NOS1AP: variants seen among roughly 807,000 people sequenced by gnomAD.
The protein encoded by NOS1AP is nitric oxide synthase 1 adaptor protein, also known as carboxyl-terminal PDZ ligand of neuronal nitric oxide synthase protein.
Under a neutral mutation model 56.2 loss-of-function variants are expected in NOS1AP, and 21 were observed. That is an observed-to-expected ratio of 0.37 (90% CI 0.26 to 0.54). NOS1AP has a LOEUF of 0.54. Ranked by LOEUF, NOS1AP falls within the 20% of genes least tolerant of loss-of-function variation. NOS1AP has a pLI of 0.84. For synonymous variants in NOS1AP, 270 were observed against 274.6 expected (o/e 0.98, Z 0.17); for missense variants, 522 against 657.8 (o/e 0.79, Z 2.26).
intron 1 of NOS1AP, among the ~76,000 whole-genome samples, chr1:162,084,817 G>A (rs1038712017): frequency 1.3e-5 from 2 of 152,036 alleles, no homozygotes; most frequent in African/African-American, 4.8e-5. Flanking sequence ...TGGTAGCTGA[G>A]ACTACAGGTG....
At chr1:162,226,947 A>C (rs539475960) in intron 2 of NOS1AP, among the ~76,000 whole-genome samples, 503 of 151,612 alleles carry the variant, frequency 3.3e-3, no homozygotes, top group Non-Finnish European at 5.6e-3. Flanking sequence ...CCAGAGGGCC[A>C]GTTTGTCTAA....
intron 6 of NOS1AP, among the ~76,000 whole-genome samples, chr1:162,348,599 G>A (rs766481230): frequency 2.6e-5 from 4 of 152,146 alleles, no homozygotes; most frequent in Admixed American, 6.5e-5. Context: ...GTGAAGAAAC[G>A]CCTGGGTCCA....
intron 1 of NOS1AP, among the ~76,000 whole-genome samples, chr1:162,106,874 A>G (rs945696174): frequency 2.6e-5 from 4 of 152,240 alleles, no homozygotes; most frequent in Middle Eastern, 3.2e-3. Context: ...GTAAATCTGA[A>G]GATTGCTAGA....
At chr1:162,265,647 T>C (rs4584372) in intron 2 of NOS1AP, among the ~76,000 whole-genome samples, 39,128 of 151,912 alleles carry the variant, frequency 0.26, 5,230 homozygotes, top group East Asian at 0.39. Context: ...GCCATGTATA[T>C]CTCATAAATC....
intron 1 of NOS1AP, among the ~76,000 whole-genome samples, chr1:162,134,807 A>G (rs1051097743): frequency 2.6e-5 from 4 of 152,136 alleles, no homozygotes; most frequent in Admixed American, 6.6e-5. Context: ...AACCTGATCA[A>G]AGTTCGTGGC....
intron 1 of NOS1AP, among the ~76,000 whole-genome samples, chr1:162,081,774 A>ATATATATTTTTTTTTTTTTTTTTTTT: frequency 6.4e-4 from 28 of 44,034 alleles, no homozygotes; most frequent in African/African-American, 1.7e-3. Flanking sequence ...ATATATATAT[A>ATATATATTTTTTTTTTTTTTTTTTTT]TTTTTTTTTT....
chr1:162,127,483 T>C (rs1175879586), intron 1 of NOS1AP, among the ~76,000 whole-genome samples: 1 of 152,034 alleles, frequency 6.6e-6, no homozygotes, highest in East Asian at 1.9e-4. Flanking sequence ...TATTAGTTCG[T>C]TCTTGCATTG....
At chr1:162,111,965 TG>T (rs1425137146) in intron 1 of NOS1AP, among the ~76,000 whole-genome samples, 10 of 152,152 alleles carry the variant, frequency 6.6e-5, no homozygotes, top group Admixed American at 5.2e-4. Context: ...TTATGGGAGA[TG>T]AAATATTCAA....
intron 2 of NOS1AP, among the ~76,000 whole-genome samples, chr1:162,237,657 A>G (rs1653344700): frequency 1.3e-5 from 2 of 152,246 alleles, no homozygotes; most frequent in African/African-American, 4.8e-5. Flanking sequence ...AGTTTTAAAG[A>G]ATTAAAATAT....
At chr1:162,153,140 A>T (rs1210362071) in intron 1 of NOS1AP, among the ~76,000 whole-genome samples, 1 of 151,992 alleles carries the variant, frequency 6.6e-6, no homozygotes, top group African/African-American at 2.4e-5. Context: ...TTTAATTTTT[A>T]CTTTTTGAAA....
At chr1:162,228,732 T>C (rs531435082) in intron 2 of NOS1AP, among the ~76,000 whole-genome samples, 115 of 152,278 alleles carry the variant, frequency 7.6e-4, no homozygotes, top group Admixed American at 1.7e-3. Flanking sequence ...AAACAAGTAC[T>C]CTCTGGAGGA....
In NOS1AP at chr1:162,081,774, A is replaced by ATATATATTTTTTTTTTTTTTTTTT; in HGVS notation, c.105+11493_105+11494insATATATTTTTTTTTTTTTTTTTTT. 7.0e-4 allele frequency among the ~76,000 whole-genome samples: 31 copies of ATATATATTTTTTTTTTTTTTTTTT among 44,042 alleles called. 1 individual carries two copies. Among genetic ancestry groups the ATATATATTTTTTTTTTTTTTTTTT allele is most frequent in the African/African-American group, 1.2e-3 (16 of 13,076 alleles). The allele number at this position is 44,042 out of a possible 152,430, so 28.9% of individuals were successfully genotyped here. A position where few individuals can be genotyped will look rare whatever the true frequency, so the allele number is the denominator to read the frequency against. ...TCTATAGATATATATATATATATAT[A>ATATATATTTTTTTTTTTTTTTTTT]TTTTTTTTTTGTAGAGATGGGTTTT... On this transcript the variant is annotated intron_variant, in intron 1 of 9. Coordinates refer to ENST00000361897, the MANE Select transcript of NOS1AP (RefSeq NM_014697.3).
At chr1:162,111,692 A>G (rs1040760582) in intron 1 of NOS1AP, among the ~76,000 whole-genome samples, 16 of 152,232 alleles carry the variant, frequency 1.1e-4, no homozygotes, top group African/African-American at 3.9e-4. Flanking sequence ...GAAGGATGAC[A>G]TACAGAGAGG....
intron 5 of NOS1AP, among the ~76,000 whole-genome samples, chr1:162,336,632 C>T (rs971866722): frequency 2.0e-5 from 3 of 152,192 alleles, no homozygotes; most frequent in Admixed American, 2.0e-4. Flanking sequence ...CCCTTGGTCA[C>T]ACAGTGAATC....
chr1:162,339,943 G>A (rs906930652), intron 5 of NOS1AP, among the ~76,000 whole-genome samples: 1 of 152,202 alleles, frequency 6.6e-6, no homozygotes, highest in Non-Finnish European at 1.5e-5. Flanking sequence ...ACTTTTTAAT[G>A]GTGAAGCAAG....
chr1:162,267,892 A>G (rs1654475427), intron 2 of NOS1AP, among the ~76,000 whole-genome samples: 1 of 152,250 alleles, frequency 6.6e-6, no homozygotes, highest in Admixed American at 6.5e-5. Flanking sequence ...GATTGATGCC[A>G]GATAACTCTT....
rs77245896 is a variant in NOS1AP, at chr1:162,124,507, G to GTGTGTGTGTGT, written c.106-29898_106-29897insTGTGTGTGTGT. On this transcript the variant is annotated intron_variant, in intron 1 of 9. Coordinates refer to ENST00000361897, the MANE Select transcript of NOS1AP (RefSeq NM_014697.3). ...TATTCCATGGTGTGTGTGTGTGTGT[G>GTGTGTGTGTGT]ACACACACACACACCGTATTTTCTT... Among the ~76,000 whole-genome samples the GTGTGTGTGTGT allele has an allele frequency of 4.0e-4, 60 of 150,648 alleles. 1 individual carries two copies. Among genetic ancestry groups the GTGTGTGTGTGT allele is most frequent in the African/African-American group, 1.4e-3 (56 of 40,992 alleles).
intron 2 of NOS1AP, among the ~76,000 whole-genome samples, chr1:162,212,765 A>G (rs1652413567): frequency 6.6e-6 from 1 of 152,034 alleles, no homozygotes; most frequent in South Asian, 2.1e-4. Context: ...GGCTGTGGAG[A>G]GTCTCCTACC....
chr1:162,367,561 C>A lies in NOS1AP; in HGVS notation c.*94C>A. ...GGGGATGCCCAGTGAATGTGCACTGCCGAGGAGAATGCCAGCCAGGGCCCG... is the reference window on the plus strand; with the variant it reads ...GGGGATGCCCAGTGAATGTGCACTGACGAGGAGAATGCCAGCCAGGGCCCG... On this transcript the variant is annotated 3_prime_UTR_variant, in exon 10 of 10. Transcript: ENST00000361897. This position sits in a 1 kb window ranked among gnomAD's most constrained non-coding sequence, Gnocchi z 6.5. 7.3e-7 allele frequency: 1 copy of A among 1,361,538 alleles called. No individual in the cohort carries two copies. The highest frequency in any genetic ancestry group is 9.8e-7 in the Non-Finnish European group (1 of 1,016,566). 84.3% of individuals were successfully genotyped at this position (1,361,538 alleles called of 1,614,324 possible).
Sources: allele counts gnomAD v4.1 joint callset (sites outside exome capture counted in the v4.1 genomes callset), GRCh38; gene constraint gnomAD v4.1.1; non-coding constraint Gnocchi (gnomAD v3.1); transcripts MANE v1.5; gene names NCBI Gene and HGNC (gene_info 2026-07-23, HGNC 2026-07-21).